CSMD1: variants seen among roughly 807,000 people sequenced by gnomAD.
CSMD1 encodes the protein CUB and Sushi multiple domains 1.
Under a neutral mutation model 417.5 loss-of-function variants are expected in CSMD1, and 213 were observed. That is an observed-to-expected ratio of 0.51 (90% CI 0.46 to 0.57). CSMD1 has a LOEUF of 0.57. Among genes scored for constraint, CSMD1 ranks in the 20% least tolerant of loss-of-function variants. The pLI, the probability that CSMD1 is intolerant of heterozygous loss-of-function variation, is 0.00. For synonymous variants in CSMD1, 2,862 were observed against 1,736.8 expected (o/e 1.65, Z -16.11); for missense variants, 6,923 against 4,529.7 (o/e 1.53, Z -15.17).
At chr8:3,992,219 A>G (rs911684032) in intron 5 of CSMD1, among the ~76,000 whole-genome samples, 2 of 151,960 alleles carry the variant, frequency 1.3e-5, no homozygotes, top group Admixed American at 6.6e-5. Flanking sequence ...CATTTATGCT[A>G]TACTAAACAC....
chr8:3,738,261 T>C (rs2623705), intron 6 of CSMD1, among the ~76,000 whole-genome samples: 141,996 of 152,262 alleles, frequency 0.93, 67,037 homozygotes, highest in Non-Finnish European at 1. Context: ...TAACAGAAAA[T>C]AGCGACGATC....
chr8:2,942,773 G>A (rs1801975711), intron 68 of CSMD1, among the ~76,000 whole-genome samples, 169 bp from the exon 69 acceptor site: 1 of 152,122 alleles, frequency 6.6e-6, no homozygotes, highest in African/African-American at 2.4e-5. Context: ...TCCACTTAAT[G>A]ACCGGGACAA....
chr8:3,463,946 C>G (rs1022402802), intron 12 of CSMD1, among the ~76,000 whole-genome samples: 10 of 152,280 alleles, frequency 6.6e-5, no homozygotes, highest in Middle Eastern at 3.4e-3. Context: ...AATTTCCATT[C>G]TCTTATTATC....
chr8:4,928,555 T>C (rs891056771), intron 1 of CSMD1, among the ~76,000 whole-genome samples: 24 of 152,294 alleles, frequency 1.6e-4, no homozygotes, highest in African/African-American at 5.8e-4. Flanking sequence ...ACAATTCTAA[T>C]TCCAGTCTTG....
chr8:4,796,500 G>C, intron 1 of CSMD1, among the ~76,000 whole-genome samples: 1 of 151,926 alleles, frequency 6.6e-6, no homozygotes, highest in East Asian at 1.9e-4. Flanking sequence ...CACCGAGAAT[G>C]GTCTTTCTCA....
intron 7 of CSMD1, among the ~76,000 whole-genome samples, chr8:3,674,260 T>C (rs1350408026): frequency 6.6e-6 from 1 of 152,222 alleles, no homozygotes; most frequent in Non-Finnish European, 1.5e-5. Context: ...TAGTTGACTG[T>C]AACCCATGTT....
At chr8:4,030,054 G>A (rs138691281) in intron 4 of CSMD1, among the ~76,000 whole-genome samples, 1 of 152,204 alleles carries the variant, frequency 6.6e-6, no homozygotes, top group Non-Finnish European at 1.5e-5. Flanking sequence ...GTGTACCCCT[G>A]TGACTTTGAA....
At chr8:4,148,188 A>G (rs1244373490) in intron 3 of CSMD1, among the ~76,000 whole-genome samples, 1 of 152,114 alleles carries the variant, frequency 6.6e-6, no homozygotes, top group Non-Finnish European at 1.5e-5. Context: ...TGGGACCACT[A>G]TAACTAACTG....
rs1039975167 is a variant in CSMD1 at position 3,144,799 on chromosome 8, G to C, written c.6032-2125C>G. On this transcript the variant is annotated intron_variant, in intron 40 of 69. Transcript: ENST00000635120. ...AGGGAGAGAAAGAGGCAACAAGGGGGGGGGGGAGGGAGGGAGGGAGAAGGG... is the reference window on the plus strand; with the variant it reads ...AGGGAGAGAAAGAGGCAACAAGGGGCGGGGGGAGGGAGGGAGGGAGAAGGG... 1.3e-4 allele frequency among the ~76,000 whole-genome samples: 18 copies of C among 138,538 alleles called. No individual in the cohort carries two copies. The South Asian group carries it at 2.3e-3, about 18-fold the overall frequency. The allele number at this position is 138,538 out of a possible 152,430, so 90.9% of individuals were successfully genotyped here.
intron 41 of CSMD1, among the ~76,000 whole-genome samples, chr8:3,141,506 CATT>C (rs1449803384): frequency 6.6e-6 from 1 of 152,110 alleles, no homozygotes; most frequent in Non-Finnish European, 1.5e-5. Flanking sequence ...TAAGATTAGA[CATT>C]ATGGTTTAGG....
intron 15 of CSMD1, among the ~76,000 whole-genome samples, chr8:3,404,123 C>T (rs1039340576): frequency 3.3e-5 from 5 of 152,086 alleles, no homozygotes; most frequent in East Asian, 1.9e-4. Flanking sequence ...CCTCTGAGGT[C>T]AGGAGTTTGA....
intron 7 of CSMD1, among the ~76,000 whole-genome samples, chr8:3,688,973 G>T (rs889501977): frequency 2.0e-5 from 3 of 152,026 alleles, no homozygotes; most frequent in Non-Finnish European, 4.4e-5. Context: ...AATTAAAAAG[G>T]GTTACTTCAC....
chr8:4,834,747 G>C (rs563839601), intron 1 of CSMD1, among the ~76,000 whole-genome samples: 1 of 151,772 alleles, frequency 6.6e-6, no homozygotes, highest in Non-Finnish European at 1.5e-5. Context: ...ACGACATCAG[G>C]AGATCGAGAC....
chr8:4,127,206 C>T (rs1385603215), intron 3 of CSMD1, among the ~76,000 whole-genome samples: 1 of 151,998 alleles, frequency 6.6e-6, no homozygotes, highest in African/African-American at 2.4e-5. Context: ...GGCTGTCCGG[C>T]CCCCTCCAGG....
intron 3 of CSMD1, among the ~76,000 whole-genome samples, chr8:4,210,458 C>A (rs1225042070): frequency 6.6e-6 from 1 of 152,160 alleles, no homozygotes; most frequent in East Asian, 1.9e-4. Context: ...GATCAAGTTT[C>A]TAACTTTGAA....
intron 3 of CSMD1, among the ~76,000 whole-genome samples, chr8:4,151,093 G>T (rs1796549920): frequency 6.6e-6 from 1 of 152,138 alleles, no homozygotes; most frequent in Non-Finnish European, 1.5e-5. Flanking sequence ...GGTGCAACTT[G>T]CATCCTTCTC....
intron 2 of CSMD1, among the ~76,000 whole-genome samples, chr8:4,456,931 G>C (rs1344717231): frequency 6.7e-6 from 1 of 149,488 alleles, no homozygotes; most frequent in Non-Finnish European, 1.5e-5. Flanking sequence ...TGTTTATCCT[G>C]AGCATGGCAA....
intron 1 of CSMD1, among the ~76,000 whole-genome samples, chr8:4,681,385 G>A (rs539575256): frequency 6.6e-6 from 1 of 152,176 alleles, no homozygotes; most frequent in East Asian, 1.9e-4. Context: ...CATTCTTGCT[G>A]TCTCTTCAGT....
chr8:4,158,507 A>C (rs917279231), intron 3 of CSMD1, among the ~76,000 whole-genome samples: 1 of 152,174 alleles, frequency 6.6e-6, no homozygotes, highest in African/African-American at 2.4e-5. Flanking sequence ...GGATATTGGA[A>C]AAACTCCCAA....
Sources: allele counts gnomAD v4.1 joint callset (sites outside exome capture counted in the v4.1 genomes callset), GRCh38; gene constraint gnomAD v4.1.1; transcripts MANE v1.5; gene names NCBI Gene and HGNC (gene_info 2026-07-23, HGNC 2026-07-21).